Variants in KIAA1549 observed in about 807,000 individuals in gnomAD.
KIAA1549 encodes the protein UPF0606 protein KIAA1549.
KIAA1549 carries 70 observed loss-of-function variants against 156.4 expected under a neutral mutation model. That is an observed-to-expected ratio of 0.45 (90% CI 0.37 to 0.55). The LOEUF (loss-of-function observed/expected upper bound fraction) is 0.55, where lower values mean the gene tolerates loss of function less well. Ranked by LOEUF, KIAA1549 falls within the 20% of genes least tolerant of loss-of-function variation. The pLI is 0.00. For missense variants in KIAA1549, 2,428 were observed against 2,540.9 expected, an observed-to-expected ratio of 0.96 and a Z score of 0.96; for synonymous variants, 1,103 against 1,066.4, an observed-to-expected ratio of 1.03 and a Z score of -0.67.
chr7:138,879,511 A>C, intron 12 of KIAA1549, 27 bp downstream of exon 12: 1 of 1,426,842 alleles, frequency 7.0e-7, no homozygotes, highest in Non-Finnish European at 9.6e-7. Context: ...ACTACTTTTA[A>C]TGGGAAGAAC....
intron 1 of KIAA1549, among the ~76,000 whole-genome samples, chr7:138,934,942 G>A (rs1336049074): frequency 6.6e-6 from 1 of 152,178 alleles, no homozygotes; most frequent in Non-Finnish European, 1.5e-5. Context: ...CATCCAGAGA[G>A]GGATAATGGG....
At chr7:138,838,232 TAGG>T in intron 19 of KIAA1549, 72 bp from the exon 20 acceptor site, 1 of 1,427,474 alleles carries the variant, frequency 7.0e-7, no homozygotes, top group South Asian at 1.5e-5. Context: ...AAACTGGCTT[TAGG>T]AAGGTTCCCA....
chr7:138,905,524 G>A (rs978156051), intron 6 of KIAA1549, among the ~76,000 whole-genome samples: 1 of 152,176 alleles, frequency 6.6e-6, no homozygotes, highest in African/African-American at 2.4e-5. Context: ...AACTGAAAGC[G>A]GCTCTTTGTA....
rs1814532356 is a variant in KIAA1549, at chr7:138,981,091, C to A, written c.179G>T (p.Cys60Phe). 12 of 1,224,492 alleles carry A rather than the reference C, an allele frequency of 9.8e-6. No homozygotes were observed. Among genetic ancestry groups the A allele is most frequent in the Non-Finnish European group, 1.2e-5 (12 of 982,710 alleles). The allele number at this position is 1,224,492 out of a possible 1,614,324, so 75.9% of individuals were successfully genotyped here. Reference protein sequence around the residue: ...WLLLLARPASCAPDELSPEQH... With the variant: ...WLLLLARPASFAPDELSPEQH... ...GTCTCGGCGGAGCTTACCTGGGGCG[C>A]ACGAGGCCGGCCGGGCCAGCAGCAG... Residue 60 changes from cysteine to phenylalanine, a missense_variant, in exon 1 of 20, where the codon TGC becomes TTC. Physicochemically the swap from Cys to Phe is radical, Grantham distance 205. Around this residue, in one of 5 missense-constraint regions of KIAA1549, gnomAD observed 893 missense variants for 847.9 expected, o/e 1.05. Transcript: ENST00000422774. This position sits in a 1 kb window ranked among gnomAD's most constrained non-coding sequence, Gnocchi z 4.5.
chr7:138,968,731 G>A (rs1814119996), intron 1 of KIAA1549, among the ~76,000 whole-genome samples: 1 of 151,824 alleles, frequency 6.6e-6, no homozygotes, highest in Non-Finnish European at 1.5e-5. Flanking sequence ...GTGGTGGCGG[G>A]CGCCTGTAGT....
intron 1 of KIAA1549, among the ~76,000 whole-genome samples, chr7:138,933,098 G>C (rs375324541): frequency 6.6e-6 from 1 of 152,194 alleles, no homozygotes; most frequent in East Asian, 1.9e-4. Context: ...CGTTTCTCGT[G>C]GTGGCAGAAG....
At chr7:138,842,876 C>A (rs571179502) in intron 18 of KIAA1549, among the ~76,000 whole-genome samples, 66 of 152,156 alleles carry the variant, frequency 4.3e-4, no homozygotes, top group Non-Finnish European at 6.3e-4. Context: ...TACTGAGTAT[C>A]TGGGGAAACT....
rs140040845 is a variant in KIAA1549 at position 138,920,309 on chromosome 7, G to A, written c.188-871C>T. 4.9e-3 allele frequency among the ~76,000 whole-genome samples: 685 copies of A among 139,504 alleles called. 3 individuals are homozygous for A. The highest frequency in any genetic ancestry group is 7.6e-3 in the Non-Finnish European group (493 of 65,248). 91.5% of individuals were successfully genotyped at this position (139,504 alleles called of 152,430 possible). A position where few individuals can be genotyped will look rare whatever the true frequency, so the allele number is the denominator to read the frequency against. On this transcript the variant is annotated intron_variant, in intron 1 of 19. Transcript: ENST00000422774. Reference sequence around the variant, plus strand: ...TCCTCGATGCTCTGAAGTTGGATTCGTGCCTCTCCCTAGGCTTCTCCCTGT... The same window carrying A: ...TCCTCGATGCTCTGAAGTTGGATTCATGCCTCTCCCTAGGCTTCTCCCTGT...
chr7:138,866,772 C>T (rs1810754358), intron 15 of KIAA1549, among the ~76,000 whole-genome samples: 1 of 152,190 alleles, frequency 6.6e-6, no homozygotes, highest in Non-Finnish European at 1.5e-5. Flanking sequence ...GCAAATCTGT[C>T]TGGACCTCTT....
intron 17 of KIAA1549, among the ~76,000 whole-genome samples, chr7:138,851,917 T>A (rs917969521): frequency 7.9e-5 from 12 of 152,244 alleles, no homozygotes; most frequent in Non-Finnish European, 1.3e-4. Context: ...TGCCTCTGGA[T>A]TTCCTGGATC....
intron 1 of KIAA1549, among the ~76,000 whole-genome samples, chr7:138,945,907 C>G (rs1479964990): frequency 1.3e-5 from 2 of 152,058 alleles, no homozygotes; most frequent in African/African-American, 4.8e-5. Flanking sequence ...GCCTGAGTAA[C>G]AGGATGAGAA....
Position 138,832,999 on chromosome 7 carries a change from A to C in KIAA1549, c.*4907T>G, listed in dbSNP as rs1809584490. 4.3e-6 allele frequency: 1 copy of C among 231,796 alleles called. No homozygotes were observed. The highest frequency in any genetic ancestry group is 8.5e-6 in the Non-Finnish European group (1 of 117,246). 14.4% of individuals were successfully genotyped at this position (231,796 alleles called of 1,614,324 possible). ...ACATGTTAGATTAAATGTAAAAATG[A>C]AGTTCAGTTGACTATGCCATAGAAA... On this transcript the variant is annotated 3_prime_UTR_variant, in exon 20 of 20. Transcript: ENST00000422774.
At chr7:138,975,417 T>A (rs1276333024) in intron 1 of KIAA1549, among the ~76,000 whole-genome samples, 1 of 147,726 alleles carries the variant, frequency 6.8e-6, no homozygotes, top group African/African-American at 2.7e-5. Context: ...CAAAACAACC[T>A]AACAGAAAAA....
chr7:138,905,260 AAGAG>A (rs1355694230), intron 6 of KIAA1549, among the ~76,000 whole-genome samples, 179 bp from the exon 7 acceptor site: 2 of 151,944 alleles, frequency 1.3e-5, no homozygotes, highest in African/African-American at 2.4e-5. Flanking sequence ...CTCAAGGAAA[AAGAG>A]AGAGATAAAA....
chr7:138,848,714 T>C (rs1333788759), intron 17 of KIAA1549, among the ~76,000 whole-genome samples: 2 of 152,222 alleles, frequency 1.3e-5, no homozygotes, highest in Non-Finnish European at 2.9e-5. Flanking sequence ...AGTGTTCTTT[T>C]TCTATTTTTT....
At position 138,861,516 on chromosome 7, in the gene KIAA1549, G is replaced by T; in HGVS notation, c.4930-60C>A. On this transcript the variant is annotated intron_variant, in intron 15 of 19. Coordinates refer to ENST00000422774, the MANE Select transcript of KIAA1549 (RefSeq NM_001164665.2). ...TGAGTTTTTGTGGCAACCCTAAACA[G>T]TTTTCCTGACATTGAGGAAAAGTTC... The T allele has an allele frequency of 2.9e-6, 4 of 1,368,334 alleles. No individual in the cohort carries two copies. The South Asian group carries it at 3.7e-5, about 13-fold the overall frequency. The allele number at this position is 1,368,334 out of a possible 1,614,324, so 84.8% of individuals were successfully genotyped here.
intron 16 of KIAA1549, 130 bp from the exon 17 acceptor site, chr7:138,852,399 T>A (rs1810261257): frequency 1.5e-6 from 1 of 645,164 alleles, no homozygotes; most frequent in Non-Finnish European, 2.5e-6. Context: ...AAACTTAGCA[T>A]GTTACCGGGC....
chr7:138,932,442 T>C (rs899068408), intron 1 of KIAA1549, among the ~76,000 whole-genome samples: 2 of 151,882 alleles, frequency 1.3e-5, no homozygotes, highest in African/African-American at 4.8e-5. Flanking sequence ...GTCAGAGAAA[T>C]GTAGGAGACC....
chr7:138,884,032 C>T (rs1174961318), intron 10 of KIAA1549, among the ~76,000 whole-genome samples: 1 of 152,188 alleles, frequency 6.6e-6, no homozygotes, highest in African/African-American at 2.4e-5. Flanking sequence ...AGCCCCACCC[C>T]CCAACCTTCA....
Sources: allele counts gnomAD v4.1 joint callset (sites outside exome capture counted in the v4.1 genomes callset), GRCh38; gene constraint gnomAD v4.1.1; regional missense constraint gnomAD v4.1.1; non-coding constraint Gnocchi (gnomAD v3.1); transcripts MANE v1.5; gene names NCBI Gene and HGNC (gene_info 2026-07-23, HGNC 2026-07-21).